PTK7: variants seen among roughly 807,000 people sequenced by gnomAD.
PTK7 encodes the protein protein tyrosine kinase 7 (inactive).
A neutral mutation model predicts 116.6 loss-of-function variants in PTK7; 39 were observed. The observed-to-expected ratio is 0.33, with a 90% confidence interval of 0.26 to 0.44. The LOEUF (loss-of-function observed/expected upper bound fraction) is 0.44, where lower values mean the gene tolerates loss of function less well. Ranked by LOEUF, PTK7 falls within the 20% of genes least tolerant of loss-of-function variation. The pLI, the probability that PTK7 is intolerant of heterozygous loss-of-function variation, is 1.00. For missense variants in PTK7, 1,169 were observed against 1,425.6 expected, an observed-to-expected ratio of 0.82 and a Z score of 2.90; for synonymous variants, 546 against 563.6, an observed-to-expected ratio of 0.97 and a Z score of 0.44.
intron 1 of PTK7, among the ~76,000 whole-genome samples, chr6:43,085,457 C>G (rs1231272430): frequency 6.6e-6 from 1 of 151,832 alleles, no homozygotes; most frequent in Non-Finnish European, 1.5e-5. Context: ...CCATATTGGT[C>G]AGGCTGGTCT....
chr6:43,122,606 CTT>C (rs750933412), intron 1 of PTK7, among the ~76,000 whole-genome samples: 59 of 123,742 alleles, frequency 4.8e-4, no homozygotes, highest in Non-Finnish European at 4.6e-4. Flanking sequence ...GGGACTGAAT[CTT>C]TTTTTTTTTT....
rs1300107972 is a variant in PTK7, at chr6:43,139,177, C to T, written c.1404C>T (p.Ile468=). Residue 468 remains isoleucine, a synonymous_variant, in exon 9 of 20, where the codon ATC becomes ATT. Transcript: ENST00000230419. This position sits in a 1 kb window ranked among gnomAD's most constrained non-coding sequence, Gnocchi z 4.6. ...TCTTCAAGAATGGGACCTTGCGCATCAACAGCGTGGAGGTGTATGATGGGA... is the reference window on the plus strand; with the variant it reads ...TCTTCAAGAATGGGACCTTGCGCATTAACAGCGTGGAGGTGTATGATGGGA... ...FEVFKNGTLR[I]NSVEVYDGTW... 4 of 1,614,236 alleles carry T rather than the reference C, an allele frequency of 2.5e-6. No individual in the cohort carries two copies. The highest frequency in any genetic ancestry group is 3.4e-6 in the Non-Finnish European group (4 of 1,180,042).
intron 1 of PTK7, among the ~76,000 whole-genome samples, chr6:43,091,861 TTTTAA>T (rs1460367108): frequency 6.6e-6 from 1 of 152,112 alleles, no homozygotes; most frequent in Non-Finnish European, 1.5e-5. Context: ...GTAACTCTTT[TTTTAA>T]TTTATTTTAT....
chr6:43,142,233 C>T lies in PTK7; in HGVS notation c.1981C>T (p.Arg661Cys), dbSNP rs202082141. The T allele has an allele frequency of 2.0e-5, 32 of 1,614,094 alleles. No individual in the cohort carries two copies. The highest frequency in any genetic ancestry group is 2.5e-5 in the Non-Finnish European group (30 of 1,180,014). Residue 661 changes from arginine (R) to cysteine (C), a missense_variant, in exon 13 of 20, where the codon CGC (arginine) becomes TGC (cysteine). Physicochemically the swap from Arg to Cys is radical, Grantham distance 180. Coordinates refer to ENST00000230419, the MANE Select transcript of PTK7 (RefSeq NM_002821.5). ...TGACGTGGCCCCTGAGGACTCAGGC[C>T]GCTACACCTGCATTGCAGGCAACAG... Reference protein sequence around the residue: ...IHDVAPEDSGRYTCIAGNSCN... With the variant: ...IHDVAPEDSGCYTCIAGNSCN...
intron 1 of PTK7, among the ~76,000 whole-genome samples, chr6:43,088,411 G>A (rs1766774614): frequency 6.6e-6 from 1 of 151,670 alleles, no homozygotes. Flanking sequence ...TGCTGCACAC[G>A]TGGCCAATTG....
In PTK7 at chr6:43,141,923, T is replaced by A. The variant is rs939262551; in HGVS notation, c.1769-8T>A. ...CTCCCTGCGCCTCGCTGGTCTCTTT[T>A]CTTCCAGTTTTTATCACCTTCAAAG... On this transcript the variant is annotated splice_polypyrimidine_tract_variant and splice_region_variant and intron_variant, in intron 11 of 19. Coordinates refer to ENST00000230419, the MANE Select transcript of PTK7 (RefSeq NM_002821.5). This position sits in a 1 kb window ranked among gnomAD's most constrained non-coding sequence, Gnocchi z 4.9. The A allele has an allele frequency of 1.9e-6, 3 of 1,600,644 alleles. No individual in the cohort carries two copies. In the African/African-American group the frequency reaches 4.0e-5, roughly 21 times the overall value.
chr6:43,117,429 AG>A (rs1211098439), intron 1 of PTK7, among the ~76,000 whole-genome samples: 1 of 152,232 alleles, frequency 6.6e-6, no homozygotes, highest in Non-Finnish European at 1.5e-5. Context: ...TTGGTTGTGG[AG>A]GGAATGTGGG....
At chr6:43,094,667 A>C (rs2150382229) in intron 1 of PTK7, among the ~76,000 whole-genome samples, 1 of 151,652 alleles carries the variant, frequency 6.6e-6, no homozygotes, top group South Asian at 2.1e-4. Context: ...TTTAGTAGAG[A>C]CGGGGTTTCA....
chr6:43,150,507 G>C (rs931973181), intron 17 of PTK7, among the ~76,000 whole-genome samples: 1 of 152,138 alleles, frequency 6.6e-6, no homozygotes. Context: ...ACCTTCTTCT[G>C]TTTACCTTGA....
In PTK7 at chr6:43,106,536, C is replaced by T. The variant is rs79230189; in HGVS notation, c.80-22441C>T. Among the ~76,000 whole-genome samples, 641 of 152,058 alleles carry T rather than the reference C, an allele frequency of 4.2e-3. 32 individuals carry two copies. In the East Asian group the frequency reaches 0.092, roughly 22 times the overall value. On this transcript the variant is annotated intron_variant, in intron 1 of 19. Coordinates refer to ENST00000230419, the MANE Select transcript of PTK7 (RefSeq NM_002821.5). ...TCCTGGCCTCAAGTGATCTCTCCAC[C>T]TCGACCTCCCAGAATGCTCAAAGTG...
intron 1 of PTK7, among the ~76,000 whole-genome samples, chr6:43,113,591 C>T (rs1048586755): frequency 6.6e-6 from 1 of 152,108 alleles, no homozygotes; most frequent in African/African-American, 2.4e-5. Flanking sequence ...AGTCAGAGCC[C>T]GGGCCTGGCC....
intron 17 of PTK7, among the ~76,000 whole-genome samples, chr6:43,154,661 A>G (rs1771316866): frequency 6.6e-6 from 1 of 152,134 alleles, no homozygotes; most frequent in Non-Finnish European, 1.5e-5. Flanking sequence ...GCTCACAGGG[A>G]TGTCACTGGC....
chr6:43,080,952 A>AACACACACAC (rs1376992194), intron 1 of PTK7, among the ~76,000 whole-genome samples: 21 of 119,872 alleles, frequency 1.8e-4, no homozygotes, highest in African/African-American at 7.8e-4. Flanking sequence ...AAAAAAAAAA[A>AACACACACAC]ATACACACAC....
chr6:43,076,433 A>G lies in PTK7; in HGVS notation c.-56A>G, dbSNP rs183524608. On this transcript the variant is annotated 5_prime_UTR_variant, in exon 1 of 20. Transcript: ENST00000230419. The surrounding 1 kb of genome is among the most constrained non-coding windows in gnomAD (Gnocchi z 5.7). ...GCTCCGCCTCCTGTGCCCGCCGCGG[A>G]GCGCAGTCTGCGCGCCCGCCGTGCG... 768 of 1,410,800 alleles carry G rather than the reference A, an allele frequency of 5.4e-4. 5 individuals are homozygous for G. The African/African-American group carries it at 0.01, about 19-fold the overall frequency. 87.4% of individuals were successfully genotyped at this position (1,410,800 alleles called of 1,614,324 possible). A position where few individuals can be genotyped will look rare whatever the true frequency, so the allele number is the denominator to read the frequency against.
chr6:43,095,765 AAGAT>A (rs1200898440), intron 1 of PTK7, among the ~76,000 whole-genome samples: 3 of 152,222 alleles, frequency 2.0e-5, no homozygotes, highest in Admixed American at 6.5e-5. Flanking sequence ...CTTTTTCTAA[AAGAT>A]GGATGTACAG....
chr6:43,085,956 A>G (rs1766628859), intron 1 of PTK7, among the ~76,000 whole-genome samples: 1 of 147,448 alleles, frequency 6.8e-6, no homozygotes, highest in African/African-American at 2.5e-5. Context: ...AAAAAAAAAC[A>G]TGGCTTCCTC....
At chr6:43,154,692 A>C (rs1358171060) in intron 17 of PTK7, among the ~76,000 whole-genome samples, 4 of 152,198 alleles carry the variant, frequency 2.6e-5, no homozygotes, top group Admixed American at 2.6e-4. Flanking sequence ...GAAAACTGAG[A>C]AGAGATGTCT....
chr6:43,107,549 T>A (rs190309041), intron 1 of PTK7, among the ~76,000 whole-genome samples: 167 of 152,350 alleles, frequency 1.1e-3, no homozygotes, highest in African/African-American at 3.5e-3. Context: ...TGGTAGCTGT[T>A]ACTTTAATTA....
chr6:43,138,746 C>G, intron 7 of PTK7, 103 bp from the exon 8 acceptor site: 1 of 1,460,444 alleles, frequency 6.8e-7, no homozygotes, highest in Non-Finnish European at 9.2e-7. Flanking sequence ...CATGGGGCTT[C>G]TGAACTCAGG....
Sources: allele counts gnomAD v4.1 joint callset (sites outside exome capture counted in the v4.1 genomes callset), GRCh38; gene constraint gnomAD v4.1.1; non-coding constraint Gnocchi (gnomAD v3.1); transcripts MANE v1.5; gene names NCBI Gene and HGNC (gene_info 2026-07-23, HGNC 2026-07-21).